PPFIA4: variants seen among roughly 807,000 people sequenced by gnomAD.
PPFIA4 encodes liprin-alpha-4.
PPFIA4 carries 98 observed loss-of-function variants against 145.7 expected under a neutral mutation model. That is an observed-to-expected ratio of 0.67 (90% confidence interval 0.57 to 0.80). The LOEUF is 0.80. Among genes scored for constraint, PPFIA4 ranks in the 30% least tolerant of loss-of-function variants. The pLI is 0.00. For synonymous variants in PPFIA4, 628 were observed against 649.6 expected (o/e 0.97, Z 0.51); for missense variants, 1,457 against 1,632.7 (o/e 0.89, Z 1.85).
Position 203,045,994 on chromosome 1 carries a change from C to T in PPFIA4, c.1005+7C>T, listed in dbSNP as rs1280333123. 4 of 1,612,352 alleles carry T rather than the reference C, an allele frequency of 2.5e-6. No homozygotes were observed. The highest frequency in any genetic ancestry group is 3.4e-6 in the Non-Finnish European group (4 of 1,179,842). On this transcript the variant is annotated splice_region_variant and intron_variant, in intron 8 of 29. Coordinates refer to ENST00000295706, the MANE Select transcript of PPFIA4 (RefSeq NM_001304331.2). ...GGAGTCCCTGCACCGCCAGGTACCT[C>T]CTCAGGGTGGGGTGGGGATGGGCAT...
chr1:203,049,033 G>A, intron 12 of PPFIA4, 53 bp downstream of exon 12: 3 of 1,521,528 alleles, frequency 2.0e-6, no homozygotes, highest in Non-Finnish European at 2.7e-6. Flanking sequence ...GTTGCAGGGA[G>A]GAAAGGACAC....
intron 1 of PPFIA4, chr1:203,034,644 C>T (rs1659092048): frequency 4.4e-6 from 2 of 456,484 alleles, no homozygotes; most frequent in Non-Finnish European, 8.8e-6. Flanking sequence ...GAGGATGGGG[C>T]CTTCCAGTGG....
rs190374227 is a variant in PPFIA4, at chr1:203,075,131, C to G, written c.3394-446C>G. Among the ~76,000 whole-genome samples the G allele has an allele frequency of 1.1e-3, 167 of 152,260 alleles. No individual in the cohort carries two copies. Among genetic ancestry groups the G allele is most frequent in the African/African-American group, 4.0e-3 (165 of 41,524 alleles). On this transcript the variant is annotated intron_variant, in intron 28 of 29. Transcript: ENST00000295706. The surrounding 1 kb of genome is among the most constrained non-coding windows in gnomAD (Gnocchi z 4.1). ...TGTCTGACTCCCGCCCGACATAGTA[C>G]TCTTCTGGTATACTGGGCTACAGCC...
rs1481854890 is a variant in PPFIA4 at position 203,045,534 on chromosome 1, G to A, written c.833G>A (p.Ser278Asn). 2.5e-6 allele frequency: 4 copies of A among 1,598,608 alleles called. No homozygotes were observed. Among genetic ancestry groups the A allele is most frequent in the Non-Finnish European group, 3.4e-6 (4 of 1,173,608 alleles). Residue 278 changes from serine (S) to asparagine (N), a missense_variant, in exon 7 of 30, where the codon AGC (serine) becomes AAC (asparagine). Ser to Asn is a conservative substitution (Grantham distance 46). This residue lies in a region of PPFIA4 where 463 missense variants were observed against 459.8 expected (regional missense o/e 1.01). Coordinates refer to ENST00000295706, the MANE Select transcript of PPFIA4 (RefSeq NM_001304331.2). ...CTCATCAAGTCGGAGGAGCTGAGCA[G>A]CAAGCATCAGCGGGACCTCCGGGAG... ...RDLIKSEELS[S>N]KHQRDLREAL...
rs1379654804 is a variant in PPFIA4, at chr1:203,040,256, A to T, written c.234+1014A>T. ...CCCTCTCTGCCCCTCGTATGAGCAG[A>T]GAGATGGGTATTGAAAGCCAGCTGT... On this transcript the variant is annotated intron_variant, in intron 2 of 29. Coordinates refer to ENST00000295706, the MANE Select transcript of PPFIA4 (RefSeq NM_001304331.2). Among the ~76,000 whole-genome samples, 12 of 152,168 alleles carry T rather than the reference A, an allele frequency of 7.9e-5. 1 individual carries two copies. In the South Asian group the frequency reaches 2.3e-3, roughly 29 times the overall value.
At chr1:203,044,202 C>G in intron 4 of PPFIA4, 107 bp downstream of exon 4, 1 of 1,309,998 alleles carries the variant, frequency 7.6e-7, no homozygotes, top group East Asian at 2.4e-5. Flanking sequence ...GCACTGGCTC[C>G]CTCCAAACAT....
chr1:203,056,439 C>T lies in PPFIA4; in HGVS notation c.2171C>T (p.Pro724Leu). 3 of 1,614,030 alleles carry T rather than the reference C, an allele frequency of 1.9e-6. No individual in the cohort carries two copies. The highest frequency in any genetic ancestry group is 2.5e-6 in the Non-Finnish European group (3 of 1,179,882). ...KATIKCETSP[P>L]SSPRTLRLEK... ...ACCATAAAATGTGAGACTTCTCCTC[C>T]TTCCTCACCCAGGACGCTGCGGCTA... is the stretch of plus-strand genomic sequence containing the variant. The change falls in exon 18 of 30, where the codon CCT (proline) becomes CTT (leucine). Residue 724 changes from proline to leucine, a missense_variant. By Grantham distance (98) the Pro-to-Leu change is moderately conservative. Coordinates refer to ENST00000295706, the MANE Select transcript of PPFIA4 (RefSeq NM_001304331.2).
rs576565614 is a variant in PPFIA4 at position 203,035,706 on chromosome 1, G to A, written c.-399-2904G>A. 14 of 455,690 alleles carry A rather than the reference G, an allele frequency of 3.1e-5. No individual in the cohort carries two copies. In the East Asian group the frequency reaches 8.4e-4, roughly 27 times the overall value. The allele number at this position is 455,690 out of a possible 1,614,324, so 28.2% of individuals were successfully genotyped here. On this transcript the variant is annotated intron_variant, in intron 1 of 29. Transcript: ENST00000295706. ...TCTGTTAGGCTGAGATGATAATTGC[G>A]CTATTTAAAGACGGCCCTGGAGCCA...
At chr1:203,035,786 G>A (rs1659205100) in intron 1 of PPFIA4, 2 of 398,158 alleles carry the variant, frequency 5.0e-6, no homozygotes, top group Non-Finnish European at 1.0e-5. Flanking sequence ...GCTCCCTTCT[G>A]CTCACTGTTT....
chr1:203,026,566 G>C lies in PPFIA4; in HGVS notation c.-463G>C, dbSNP rs893114050. ...GGCTCTAGGACGTGTCGGGCTGCAC[G>C]GGTCGGGGGCGGCTCCCTGCTGCTT... On this transcript the variant is annotated 5_prime_UTR_variant, in exon 1 of 30. Coordinates refer to ENST00000295706, the MANE Select transcript of PPFIA4 (RefSeq NM_001304331.2). 2.6e-5 allele frequency: 4 copies of C among 152,240 alleles called. No homozygotes were observed. The highest frequency in any genetic ancestry group is 9.6e-5 in the African/African-American group (4 of 41,460). The allele number at this position is 152,240 out of a possible 1,614,324, so 9.4% of individuals were successfully genotyped here. A position where few individuals can be genotyped will look rare whatever the true frequency, so the allele number is the denominator to read the frequency against.
chr1:203,056,612 T>C, intron 18 of PPFIA4, 104 bp downstream of exon 18: 1 of 1,453,034 alleles, frequency 6.9e-7, no homozygotes, highest in Non-Finnish European at 9.3e-7. Flanking sequence ...AGTTTCTGAA[T>C]GTCTTACTTC....
Position 203,059,815 on chromosome 1 carries a change from C to T in PPFIA4, c.2547C>T (p.Ala849=). 1.2e-6 allele frequency: 2 copies of T among 1,613,322 alleles called. No individual in the cohort carries two copies. The highest frequency in any genetic ancestry group is 1.7e-6 in the Non-Finnish European group (2 of 1,179,664). ...EDARRKGMPF[A]QWDGPTVVSW... is the part of the protein sequence containing the mutation. ...CCCGCAGGAAAGGAATGCCCTTTGC[C>T]CAGTGGGATGGTCCTACTGTGGTCT... The change falls in exon 21 of 30, where the codon GCC becomes GCT. Residue 849 remains alanine (A), a synonymous_variant. Coordinates refer to ENST00000295706, the MANE Select transcript of PPFIA4 (RefSeq NM_001304331.2).
chr1:203,032,350 T>C (rs974012856), intron 1 of PPFIA4, among the ~76,000 whole-genome samples: 7 of 151,888 alleles, frequency 4.6e-5, no homozygotes, highest in African/African-American at 1.7e-4. Context: ...AGGTGTGATG[T>C]CTATAATTTT....
At chr1:203,061,517 C>G in intron 23 of PPFIA4, 135 bp from the exon 24 acceptor site, 1 of 879,038 alleles carries the variant, frequency 1.1e-6, no homozygotes, top group Non-Finnish European at 1.7e-6. Context: ...TCTTAACCAT[C>G]CTGACGAGCT....
chr1:203,062,539 A>G (rs922678253), intron 24 of PPFIA4, among the ~76,000 whole-genome samples: 3 of 130,452 alleles, frequency 2.3e-5, no homozygotes, highest in African/African-American at 8.3e-5. Context: ...ATAAAGGGAC[A>G]ATATTGGATA....
At position 203,075,929 on chromosome 1, in the gene PPFIA4, C is replaced by T. The variant is rs1040321690; in HGVS notation, c.3574+172C>T. 1.8e-5 allele frequency: 12 copies of T among 667,012 alleles called. No individual in the cohort carries two copies. The South Asian group carries it at 3.7e-4, about 21-fold the overall frequency. 41.3% of individuals were successfully genotyped at this position (667,012 alleles called of 1,614,324 possible). ...GGAGCGTGTGTGCGCACTAACCCGC[C>T]GCTCTGTGTGTTCTCCCGCGGCTGC... On this transcript the variant is annotated intron_variant, in intron 29 of 29. Coordinates refer to ENST00000295706, the MANE Select transcript of PPFIA4 (RefSeq NM_001304331.2). This position sits in a 1 kb window ranked among gnomAD's most constrained non-coding sequence, Gnocchi z 4.1.
chr1:203,057,248 T>C (rs1280058742), intron 19 of PPFIA4, among the ~76,000 whole-genome samples: 1 of 152,218 alleles, frequency 6.6e-6, no homozygotes, highest in East Asian at 1.9e-4. Flanking sequence ...GTCTGGGGTT[T>C]CTTTGAATTT....
rs749224182 is a variant in PPFIA4, at chr1:203,056,461, G to T, written c.2193G>T (p.Arg731=). The T allele has an allele frequency of 2.1e-5, 34 of 1,613,882 alleles. No homozygotes were observed. The highest frequency in any genetic ancestry group is 2.5e-5 in the Non-Finnish European group (30 of 1,179,910). ...TSPPSSPRTL[R]LEKLGHPALS... ...CTCCTTCCTCACCCAGGACGCTGCG[G>T]CTAGAGAAGCTTGGCCACCCAGCCC... Residue 731 remains arginine, a synonymous_variant, in exon 18 of 30, where the codon CGG becomes CGT. Transcript: ENST00000295706.
intron 2 of PPFIA4, among the ~76,000 whole-genome samples, chr1:203,042,477 T>C (rs539582771): frequency 1.6e-4 from 24 of 152,294 alleles, no homozygotes; most frequent in African/African-American, 5.8e-4. Flanking sequence ...TGGGCAGGTC[T>C]GCATACTCTC....
Sources: gnomAD v4.1 joint callset for allele counts (sites outside exome capture counted in the v4.1 genomes callset) on GRCh38, gnomAD v4.1.1 for gene constraint, gnomAD v4.1.1 regional missense constraint, Gnocchi (gnomAD v3.1) non-coding constraint, MANE v1.5 for transcripts, NCBI Gene and HGNC (gene_info 2026-07-23, HGNC 2026-07-21) for gene names.